ZNF112: variants seen among roughly 807,000 people sequenced by gnomAD.
ZNF112 encodes the protein zinc finger protein 112.
ZNF112 carries 37 observed loss-of-function variants against 77.7 expected under a neutral mutation model. The observed-to-expected ratio is 0.48, with a 90% CI of 0.37 to 0.63. The LOEUF (loss-of-function observed/expected upper bound fraction) is 0.63. ZNF112 is among the 20% of genes least tolerant of loss of function. ZNF112 has a pLI of 0.00. For synonymous variants in ZNF112, 333 were observed against 363.6 expected (o/e 0.92, Z 0.96); for missense variants, 950 against 1,077.4 (o/e 0.88, Z 1.66).
intron 1 of ZNF112, among the ~76,000 whole-genome samples, chr19:44,345,248 G>C (rs1321994891): frequency 1.3e-5 from 2 of 152,200 alleles, no homozygotes; most frequent in East Asian, 1.9e-4. Context: ...GAGACAGTTT[G>C]CAGGATAAGC....
At chr19:44,330,413 A>T (rs963866925) in intron 3 of ZNF112, among the ~76,000 whole-genome samples, 8 of 152,210 alleles carry the variant, frequency 5.3e-5, no homozygotes, top group Non-Finnish European at 8.8e-5. Context: ...GACATCGAAC[A>T]TGATGGCTGT....
intron 1 of ZNF112, among the ~76,000 whole-genome samples, chr19:44,354,906 G>C (rs1033925606): frequency 2.0e-5 from 3 of 152,168 alleles, no homozygotes; most frequent in Admixed American, 2.0e-4. Flanking sequence ...GGACCATTCT[G>C]TAAGCTTCAA....
At chr19:44,336,224 C>G (rs1346556848) in intron 3 of ZNF112, among the ~76,000 whole-genome samples, 1 of 152,034 alleles carries the variant, frequency 6.6e-6, no homozygotes, top group Non-Finnish European at 1.5e-5. Flanking sequence ...TCTAGAATAC[C>G]CTTCAATTAC....
upstream of ZNF112, among the ~76,000 whole-genome samples, chr19:44,357,369 G>A (rs1036623321): frequency 5.9e-5 from 9 of 152,256 alleles, no homozygotes; most frequent in African/African-American, 2.2e-4. Flanking sequence ...CGATGTGTGC[G>A]CTAAAAATGC....
Position 44,329,846 on chromosome 19 carries a change from T to G in ZNF112, c.311A>C (p.Gln104Pro). Residue 104 changes from glutamine to proline, a missense_variant, in exon 4 of 4, where the codon CAA (glutamine) becomes CCA (proline). Physicochemically the swap from Gln to Pro is moderately conservative, Grantham distance 76. Transcript: ENST00000354340. Reference sequence around the variant, plus strand: ...CCTGATTAACCCACCTGCACTTTGTTGCCAGGTCTGACGGGAGGAAAGCTC... The same window carrying G: ...CCTGATTAACCCACCTGCACTTTGTGGCCAGGTCTGACGGGAGGAAAGCTC... Reference protein sequence around the residue: ...PKELSSRQTWQQSAGGLIRCQ... With the variant: ...PKELSSRQTWPQSAGGLIRCQ... 1 of 1,614,024 alleles carries G rather than the reference T, an allele frequency of 6.2e-7. No individual in the cohort carries two copies. Among genetic ancestry groups the G allele is most frequent in the Non-Finnish European group, 8.5e-7 (1 of 1,179,988 alleles).
At chr19:44,349,555 C>T (rs7251134) in intron 1 of ZNF112, among the ~76,000 whole-genome samples, 65,978 of 151,758 alleles carry the variant, frequency 0.43, 15,641 homozygotes, top group South Asian at 0.58. Flanking sequence ...ACAATATTCT[C>T]AATTCACAAT....
At chr19:44,332,562 T>C (rs1264073020) in intron 3 of ZNF112, among the ~76,000 whole-genome samples, 1 of 152,238 alleles carries the variant, frequency 6.6e-6, no homozygotes, top group African/African-American at 2.4e-5. Flanking sequence ...ATAATCCTTG[T>C]AGTTTTGTTT....
At chr19:44,341,032 T>C in intron 1 of ZNF112, 1 of 414,606 alleles carries the variant, frequency 2.4e-6, no homozygotes, top group South Asian at 1.8e-5. Flanking sequence ...TGTGTCTGGA[T>C]CTGGGCGCTC....
Position 44,329,787 on chromosome 19 carries a change from T to C in ZNF112, c.370A>G (p.Asn124Asp). 4 of 1,614,030 alleles carry C rather than the reference T, an allele frequency of 2.5e-6. No homozygotes were observed. The highest frequency in any genetic ancestry group is 2.2e-5 in the East Asian group (1 of 44,872). ...QDFLKVFQGK[N>D]SQLQEQGNSL... The stretch of plus-strand genomic sequence containing the variant: ...TTACCTTGTTCTTGCAACTGAGAAT[T>C]CTTCCCTTGAAAAACTTTCAGGAAA... The change falls in exon 4 of 4, where the codon AAT becomes GAT. Residue 124 changes from asparagine (N) to aspartate (D), a missense_variant. Asn to Asp is a conservative substitution (Grantham distance 23). Around this residue, in one of 3 missense-constraint regions of ZNF112, gnomAD observed 560 missense variants for 557.3 expected, o/e 1.00. Transcript: ENST00000354340.
upstream of ZNF112, among the ~76,000 whole-genome samples, chr19:44,357,029 C>T (rs1236341142): frequency 6.6e-6 from 1 of 152,186 alleles, no homozygotes; most frequent in East Asian, 1.9e-4. Flanking sequence ...GTGTCTCTGA[C>T]CCTGTGGATC....
rs763456099 is a variant in ZNF112, at chr19:44,343,230, C to T, written c.-3-2688G>A. The stretch of plus-strand genomic sequence containing the variant: ...CTGCAAAATGAGGTCACATGTAAAA[C>T]GGCATAAATGAAAACCAGCTCACCT... On this transcript the variant is annotated intron_variant, in intron 1 of 3. Coordinates refer to ENST00000354340, the MANE Select transcript of ZNF112 (RefSeq NM_013380.4). 7.4e-6 allele frequency: 12 copies of T among 1,612,224 alleles called. No individual in the cohort carries two copies. In the East Asian group the frequency reaches 8.9e-5, roughly 12 times the overall value.
chr19:44,327,859 T>C lies in ZNF112; in HGVS notation c.2298A>G (p.Thr766=). 1 of 1,614,020 alleles carries C rather than the reference T, an allele frequency of 6.2e-7. No homozygotes were observed. The highest frequency in any genetic ancestry group is 1.1e-5 in the South Asian group (1 of 91,078). ...SRLEAHRRVH[T]GGKPYKCEVC... ...CCTCACATTTGTATGGTTTCCCTCC[T>C]GTGTGAACCCTCCGATGTGCTTCAA... The change falls in exon 4 of 4, where the codon ACA becomes ACG. Residue 766 remains threonine, a synonymous_variant. Coordinates refer to ENST00000354340, the MANE Select transcript of ZNF112 (RefSeq NM_013380.4).
Position 44,328,183 on chromosome 19 carries a change from G to C in ZNF112, c.1974C>G (p.Pro658=), listed in dbSNP as rs148099351. The change falls in exon 4 of 4, where the codon CCC becomes CCG. Residue 658 remains proline, a synonymous_variant. Transcript: ENST00000354340. ...IHQRVHTGEK[P]YKCEECGKGF... is the part of the protein sequence containing the mutation. The stretch of plus-strand genomic sequence containing the variant: ...CTTTACCACATTCTTCACATTTATA[G>C]GGTTTTTCTCCTGTGTGAACCCTCT... The C allele has an allele frequency of 2.5e-6, 4 of 1,611,818 alleles. No homozygotes were observed. Among genetic ancestry groups the C allele is most frequent in the Non-Finnish European group, 3.4e-6 (4 of 1,179,388 alleles).
rs757081009 is a variant in ZNF112, at chr19:44,328,561, T to C, written c.1596A>G (p.Ser532=). 1.8e-5 allele frequency: 29 copies of C among 1,604,548 alleles called. No homozygotes were observed. The highest frequency in any genetic ancestry group is 2.0e-5 in the Non-Finnish European group (23 of 1,173,788). ...NICGKGFNHR[S]VLNVHQRVHT... ...GGACTCTCTGATGAACATTCAGAAC[T>C]GATCTATGATTGAAACCTTTGCCGC... Residue 532 remains serine, a synonymous_variant, in exon 4 of 4, where the codon TCA becomes TCG. Coordinates refer to ENST00000354340, the MANE Select transcript of ZNF112 (RefSeq NM_013380.4).
chr19:44,340,181 C>A (rs1025265795), intron 2 of ZNF112, among the ~76,000 whole-genome samples: 2 of 152,224 alleles, frequency 1.3e-5, no homozygotes, highest in African/African-American at 2.4e-5. Flanking sequence ...TAACCTGGAA[C>A]AACTTACTAA....
chr19:44,329,143 G>A lies in ZNF112; in HGVS notation c.1014C>T (p.Ser338=), dbSNP rs1204037317. ...GGATAAGTTCATAAGTGTTAAGAGG[G>A]GAACAGTGATTGAAGTTCTCACCAT... The part of the protein sequence containing the change: ...GEYGENFNHC[S]PLNTYELIHT... Residue 338 remains serine (S), a synonymous_variant, in exon 4 of 4, where the codon TCC becomes TCT. Coordinates refer to ENST00000354340, the MANE Select transcript of ZNF112 (RefSeq NM_013380.4). 1 of 1,613,812 alleles carries A rather than the reference G, an allele frequency of 6.2e-7. No individual in the cohort carries two copies. The highest frequency in any genetic ancestry group is 2.2e-5 in the East Asian group (1 of 44,860).
chr19:44,359,480 C>A (rs568234645), upstream of ZNF112, among the ~76,000 whole-genome samples: 2 of 151,840 alleles, frequency 1.3e-5, no homozygotes, highest in African/African-American at 4.8e-5. Context: ...TGCGCCACCA[C>A]GCCCAGCTAA....
At position 44,335,165 on chromosome 19, in the gene ZNF112, A is replaced by T. The variant is rs549240569; in HGVS notation, c.220+1458T>A. Among the ~76,000 whole-genome samples the T allele has an allele frequency of 2.4e-4, 36 of 152,352 alleles. No homozygotes were observed. The South Asian group carries it at 6.8e-3, about 29-fold the overall frequency. ...TGGATGTGAGACATGGAGTCAAAGG[A>T]GATTATTTTCGAACTCTGAGATTTA... On this transcript the variant is annotated intron_variant, in intron 3 of 3. Transcript: ENST00000354340.
chr19:44,366,424 A>T (rs571938164), intron 1 of ZNF112, among the ~76,000 whole-genome samples: 1 of 152,064 alleles, frequency 6.6e-6, no homozygotes, highest in East Asian at 1.9e-4. Context: ...TGCTAGCAGA[A>T]TGTGCTAATT....
Sources: allele counts gnomAD v4.1 joint callset (sites outside exome capture counted in the v4.1 genomes callset), GRCh38; gene constraint gnomAD v4.1.1; regional missense constraint gnomAD v4.1.1; transcripts MANE v1.5; gene names NCBI Gene and HGNC (gene_info 2026-07-23, HGNC 2026-07-21).